BMPR1B: variants seen among roughly 807,000 people sequenced by gnomAD.
The protein encoded by BMPR1B is bone morphogenetic protein receptor type-1B.
In BMPR1B, 12 loss-of-function variants were observed where a neutral mutation model predicts 59.1. That is an observed-to-expected ratio of 0.20 (90% CI 0.13 to 0.33). BMPR1B has a LOEUF of 0.33. Ranked by LOEUF, BMPR1B falls within the 10% of genes least tolerant of loss-of-function variation. BMPR1B has a pLI of 1.00. For missense variants in BMPR1B, 550 were observed against 610.9 expected (o/e 0.90, Z 1.05); for synonymous variants, 237 against 207.3 (o/e 1.14, Z -1.23).
intron 2 of BMPR1B, among the ~76,000 whole-genome samples, chr4:94,970,586 T>C (rs1344730137): frequency 6.6e-6 from 1 of 152,222 alleles, no homozygotes; most frequent in Non-Finnish European, 1.5e-5. Flanking sequence ...GTACTGGGAT[T>C]ACAGGCATGA....
At chr4:94,877,029 CT>C (rs142949382) in intron 2 of BMPR1B, among the ~76,000 whole-genome samples, 4,527 of 152,174 alleles carry the variant, frequency 0.03, 138 homozygotes, top group African/African-American at 0.074. Flanking sequence ...GGTATTACTC[CT>C]TTCGGGGCTA....
intron 8 of BMPR1B, among the ~76,000 whole-genome samples, chr4:95,127,626 C>T (rs987374250): frequency 2.0e-5 from 3 of 151,876 alleles, no homozygotes; most frequent in Admixed American, 1.3e-4. Flanking sequence ...ATTTGGCTCC[C>T]AACTGGTGCC....
chr4:95,148,619 T>C, intron 10 of BMPR1B, 129 bp from the exon 11 acceptor site: 1 of 915,668 alleles, frequency 1.1e-6, no homozygotes, highest in Non-Finnish European at 1.7e-6. Context: ...TTTAAGAAAT[T>C]GTTTTTATTC....
chr4:94,898,988 C>T (rs1486612520), intron 2 of BMPR1B, among the ~76,000 whole-genome samples: 1 of 152,048 alleles, frequency 6.6e-6, no homozygotes, highest in African/African-American at 2.4e-5. Context: ...AGTCCAAAAT[C>T]GTTGTCCCTG....
At chr4:94,959,946 T>TA (rs1730289035) in intron 2 of BMPR1B, among the ~76,000 whole-genome samples, 1 of 152,192 alleles carries the variant, frequency 6.6e-6, no homozygotes, top group African/African-American at 2.4e-5. Context: ...TTAATCGAAT[T>TA]ATCTGCATGT....
chr4:94,940,197 C>A (rs1292455845), intron 2 of BMPR1B, among the ~76,000 whole-genome samples: 3 of 152,176 alleles, frequency 2.0e-5, no homozygotes, highest in African/African-American at 7.2e-5. Flanking sequence ...TTCAATATGG[C>A]TTATGGCAAG....
rs1411508448 is a variant in BMPR1B at position 94,836,683 on chromosome 4, G to A, written c.-182-39148G>A. On this transcript the variant is annotated intron_variant, in intron 1 of 12. Transcript: ENST00000515059. ...GCCCTTTGTCAGATGAGTAGGTTGC[G>A]AAGATTTTCTCCCATTTTGTAGGTT... 2.7e-4 allele frequency among the ~76,000 whole-genome samples: 40 copies of A among 146,790 alleles called. 3 individuals carry two copies. The highest frequency in any genetic ancestry group is 9.1e-4 in the African/African-American group (36 of 39,642).
At chr4:95,046,427 A>G (rs1375762411) in intron 3 of BMPR1B, among the ~76,000 whole-genome samples, 1 of 152,186 alleles carries the variant, frequency 6.6e-6, no homozygotes, top group Non-Finnish European at 1.5e-5. Context: ...ATATTTTCCT[A>G]TATTCTGGGC....
chr4:95,052,450 C>T (rs1417212584), intron 3 of BMPR1B, among the ~76,000 whole-genome samples: 2 of 151,940 alleles, frequency 1.3e-5, no homozygotes, highest in South Asian at 2.1e-4. Context: ...TATAACTGGC[C>T]GTGGCAGTGA....
chr4:95,133,281 G>A (rs1324569927), intron 10 of BMPR1B, among the ~76,000 whole-genome samples: 2 of 152,020 alleles, frequency 1.3e-5, no homozygotes, highest in African/African-American at 4.8e-5. Context: ...TTATTTTCTT[G>A]AAGCCTAATT....
chr4:95,112,797 C>T (rs1731723933), intron 4 of BMPR1B, among the ~76,000 whole-genome samples: 1 of 152,048 alleles, frequency 6.6e-6, no homozygotes, highest in Non-Finnish European at 1.5e-5. Flanking sequence ...ATAGCAGTAA[C>T]TTGACAATAG....
At chr4:94,866,240 A>T (rs945646474) in intron 1 of BMPR1B, among the ~76,000 whole-genome samples, 2 of 152,182 alleles carry the variant, frequency 1.3e-5, no homozygotes, top group Non-Finnish European at 2.9e-5. Flanking sequence ...CAGAGGATTA[A>T]CATTTCTCTT....
intron 3 of BMPR1B, among the ~76,000 whole-genome samples, chr4:95,038,041 A>G (rs1725388794): frequency 6.6e-6 from 1 of 152,112 alleles, no homozygotes; most frequent in Admixed American, 6.6e-5. Flanking sequence ...GAGGATTGAG[A>G]GTTTGGGAAT....
chr4:95,004,248 G>A (rs1722661528), intron 3 of BMPR1B, among the ~76,000 whole-genome samples: 1 of 151,978 alleles, frequency 6.6e-6, no homozygotes. Context: ...TTAACTCAAG[G>A]CAAACAATTT....
chr4:94,935,851 CA>C (rs1729274010), intron 2 of BMPR1B, among the ~76,000 whole-genome samples: 1 of 152,102 alleles, frequency 6.6e-6, no homozygotes, highest in Non-Finnish European at 1.5e-5. Context: ...TATATATGGG[CA>C]TATGATTTCA....
At chr4:94,830,571 G>A (rs891612665) in intron 1 of BMPR1B, among the ~76,000 whole-genome samples, 8 of 152,016 alleles carry the variant, frequency 5.3e-5, no homozygotes, top group Non-Finnish European at 1.0e-4. Flanking sequence ...GTTGCCTTTG[G>A]GAAAACTTAC....
intron 1 of BMPR1B, among the ~76,000 whole-genome samples, chr4:94,827,977 A>C (rs1724443865): frequency 6.6e-6 from 1 of 152,196 alleles, no homozygotes; most frequent in Non-Finnish European, 1.5e-5. Context: ...CAGAGAGAAA[A>C]ATGCCTGCCA....
At position 95,015,227 on chromosome 4, in the gene BMPR1B, A is replaced by T. The variant is rs144314998; in HGVS notation, c.-18+19093A>T. Among the ~76,000 whole-genome samples the T allele has an allele frequency of 7.7e-3, 1,175 of 152,268 alleles. 11 individuals carry two copies. Among genetic ancestry groups the T allele is most frequent in the Non-Finnish European group, 0.012 (791 of 68,026 alleles). On this transcript the variant is annotated intron_variant, in intron 3 of 12. Transcript: ENST00000515059. ...ACACGAAAGAAAGAAAAGAAAAATGATCATTTAACTGAAAAATGTTCTTGA... is the reference window on the plus strand; with the variant it reads ...ACACGAAAGAAAGAAAAGAAAAATGTTCATTTAACTGAAAAATGTTCTTGA...
intron 1 of BMPR1B, among the ~76,000 whole-genome samples, chr4:94,778,862 G>T (rs972612712): frequency 6.6e-6 from 1 of 151,450 alleles, no homozygotes; most frequent in Non-Finnish European, 1.5e-5. Flanking sequence ...TGCTGATTTC[G>T]TATTAGATTG....
Sources: gnomAD v4.1 joint callset for allele counts (sites outside exome capture counted in the v4.1 genomes callset) on GRCh38, gnomAD v4.1.1 for gene constraint, MANE v1.5 for transcripts, NCBI Gene and HGNC (gene_info 2026-07-23, HGNC 2026-07-21) for gene names.